Variants in RANBP2 observed in about 807,000 individuals in gnomAD.
RANBP2 encodes the protein RAN binding protein 2.
In RANBP2, 57 loss-of-function variants were observed where a neutral mutation model predicts 303.6. The observed-to-expected ratio is 0.19, with a 90% confidence interval of 0.15 to 0.23. The LOEUF is 0.23. RANBP2 is among the 10% of genes least tolerant of loss of function. The pLI, the probability that RANBP2 is intolerant of heterozygous loss-of-function variation, is 1.00. For missense variants in RANBP2, 3,138 were observed against 3,780.8 expected, an observed-to-expected ratio of 0.83 and a Z score of 4.46; for synonymous variants, 1,167 against 1,301.5, an observed-to-expected ratio of 0.90 and a Z score of 2.23.
the RANBP2 span, among the ~76,000 whole-genome samples, chr2:109,572,245 C>T: frequency 2.6e-5 from 4 of 152,114 alleles, no homozygotes; most frequent in African/African-American, 9.7e-5. Context: ...ATTCTCCTGC[C>T]TCAGTCTCCC....
At chr2:109,777,298 G>A in the RANBP2 span, among the ~76,000 whole-genome samples, 3 of 148,318 alleles carry the variant, frequency 2.0e-5, no homozygotes, top group Admixed American at 6.9e-5. Flanking sequence ...GTATTGAGAT[G>A]GTCATATGGG....
the RANBP2 span, among the ~76,000 whole-genome samples, chr2:109,456,321 C>T: frequency 5.4e-3 from 826 of 152,310 alleles, 7 homozygotes; most frequent in African/African-American, 0.019. Flanking sequence ...GGCTGCCTTC[C>T]GAGGGATAAG....
the RANBP2 span, among the ~76,000 whole-genome samples, chr2:109,520,645 T>C: frequency 0.04 from 3,855 of 96,672 alleles, 413 homozygotes; most frequent in South Asian, 0.12. Flanking sequence ...AATTATGATG[T>C]TGAGGCCAGG....
the RANBP2 span, among the ~76,000 whole-genome samples, chr2:108,900,116 G>A: frequency 5.9e-5 from 9 of 152,124 alleles, no homozygotes; most frequent in Admixed American, 1.3e-4. Context: ...CACCAAAATC[G>A]AATTCTGAAA....
At chr2:109,493,941 G>A in the RANBP2 span, among the ~76,000 whole-genome samples, 1 of 152,018 alleles carries the variant, frequency 6.6e-6, no homozygotes, top group Non-Finnish European at 1.5e-5. Flanking sequence ...CCTCTCCTAA[G>A]GAGTCTCCTC....
chr2:108,920,461 C>T, the RANBP2 span, among the ~76,000 whole-genome samples: 9 of 152,196 alleles, frequency 5.9e-5, no homozygotes, highest in Non-Finnish European at 8.8e-5. Context: ...AACCAGAAAG[C>T]TCTGGTCACC....
the RANBP2 span, among the ~76,000 whole-genome samples, chr2:109,323,360 T>C: frequency 6.6e-6 from 1 of 152,190 alleles, no homozygotes; most frequent in South Asian, 2.1e-4. Flanking sequence ...ACTCCAGCTA[T>C]AGGATCCACA....
chr2:109,034,085 A>G, the RANBP2 span, among the ~76,000 whole-genome samples: 1 of 151,124 alleles, frequency 6.6e-6, no homozygotes, highest in African/African-American at 2.4e-5. Context: ...CCTGGCAAAC[A>G]TGGTGAAACC....
chr2:109,498,497 A>G, the RANBP2 span, among the ~76,000 whole-genome samples: 11 of 152,190 alleles, frequency 7.2e-5, no homozygotes, highest in African/African-American at 2.7e-4. Flanking sequence ...CCCCAAAGCC[A>G]TGGCTTCTGC....
chr2:109,146,575 C>G, the RANBP2 span, among the ~76,000 whole-genome samples: 1 of 152,112 alleles, frequency 6.6e-6, no homozygotes, highest in Non-Finnish European at 1.5e-5. Flanking sequence ...AATGCACGCT[C>G]TCCCCAGCAC....
At chr2:109,338,021 C>T in the RANBP2 span, among the ~76,000 whole-genome samples, 17 of 152,080 alleles carry the variant, frequency 1.1e-4, 1 homozygote, top group East Asian at 3.9e-4. Flanking sequence ...CGTGAGCCAC[C>T]GCGCCCAGGC....
chr2:109,164,527 C>T, the RANBP2 span, among the ~76,000 whole-genome samples: 6 of 152,166 alleles, frequency 3.9e-5, no homozygotes, highest in African/African-American at 1.4e-4. Flanking sequence ...CCAAGCCTGG[C>T]TGTTTCCCAG....
At chr2:108,932,528 C>CAA in the RANBP2 span, among the ~76,000 whole-genome samples, 1,411 of 38,628 alleles carry the variant, frequency 0.037, 75 homozygotes, top group African/African-American at 0.091. Context: ...GACTCTGTCT[C>CAA]AAAAAAAAAA....
chr2:108,732,417 A>C (rs1444754144), intron 4 of RANBP2, among the ~76,000 whole-genome samples: 1 of 152,176 alleles, frequency 6.6e-6, no homozygotes, highest in African/African-American at 2.4e-5. Flanking sequence ...TCAGATTTTC[A>C]GATTTGGGAT....
At chr2:109,258,628 C>T in the RANBP2 span, among the ~76,000 whole-genome samples, 1 of 152,358 alleles carries the variant, frequency 6.6e-6, no homozygotes, top group South Asian at 2.1e-4. Flanking sequence ...GTGCTCCTAA[C>T]ATCCCTGCAC....
At chr2:109,510,230 G>C in the RANBP2 span, among the ~76,000 whole-genome samples, 1 of 152,230 alleles carries the variant, frequency 6.6e-6, no homozygotes, top group African/African-American at 2.4e-5. Flanking sequence ...AGGTCTCTGA[G>C]CCTTCCAGGC....
chr2:108,912,136 G>A, the RANBP2 span, among the ~76,000 whole-genome samples: 1 of 152,142 alleles, frequency 6.6e-6, no homozygotes, highest in Non-Finnish European at 1.5e-5. Context: ...ACCTGGGCCC[G>A]AAACATGCTT....
At chr2:109,075,195 T>C in the RANBP2 span, among the ~76,000 whole-genome samples, 164 of 149,978 alleles carry the variant, frequency 1.1e-3, 4 homozygotes, top group Admixed American at 1.4e-3. Context: ...AGAAAAGCAA[T>C]AGAAAAACCC....
At chr2:109,580,035 C>A in the RANBP2 span, among the ~76,000 whole-genome samples, 1 of 151,808 alleles carries the variant, frequency 6.6e-6, no homozygotes, top group African/African-American at 2.4e-5. Context: ...GCAGGAGAAT[C>A]GTCTGAACCT....
Sources: gnomAD v4.1 joint callset for allele counts (sites outside exome capture counted in the v4.1 genomes callset) on GRCh38, gnomAD v4.1.1 for gene constraint, MANE v1.5 for transcripts, NCBI Gene and HGNC (gene_info 2026-07-23, HGNC 2026-07-21) for gene names.